Variants in PUM1 observed in about 807,000 individuals in gnomAD.
PUM1 encodes the protein pumilio homolog 1.
A neutral mutation model predicts 131.8 loss-of-function variants in PUM1; 13 were observed. The ratio of observed to expected loss-of-function variants is 0.10; its 90% CI spans 0.06 to 0.16. The LOEUF (loss-of-function observed/expected upper bound fraction) is 0.16. Ranked by LOEUF, PUM1 falls within the 10% of genes least tolerant of loss-of-function variation. The pLI, the probability that PUM1 is intolerant of heterozygous loss-of-function variation, is 1.00. For synonymous variants in PUM1, 509 were observed against 556.5 expected (o/e 0.91, Z 1.20); for missense variants, 961 against 1,512.4 (o/e 0.64, Z 6.05).
intron 3 of PUM1, among the ~76,000 whole-genome samples, chr1:31,010,585 C>G (rs1642576380): frequency 6.6e-6 from 1 of 152,136 alleles, no homozygotes. Context: ...TCCGCAGCTT[C>G]CCACTGAACT....
intron 19 of PUM1, 72 bp from the exon 20 acceptor site, chr1:30,941,344 T>C (rs561444145): frequency 1.6e-4 from 240 of 1,469,334 alleles, no homozygotes; most frequent in Non-Finnish European, 2.1e-4. Flanking sequence ...AGTCCTTATA[T>C]CTAATTAAAA....
At chr1:31,028,744 C>T (rs1570306102) in intron 3 of PUM1, 52 bp downstream of exon 3, 2 of 1,416,520 alleles carry the variant, frequency 1.4e-6, no homozygotes, top group Non-Finnish European at 1.0e-6. Flanking sequence ...AAAGACAACT[C>T]CAACCTTCCC....
chr1:31,001,272 G>A (rs1456608339), intron 5 of PUM1, among the ~76,000 whole-genome samples: 1 of 152,100 alleles, frequency 6.6e-6, no homozygotes, highest in Non-Finnish European at 1.5e-5. Context: ...GGGAGGCAGG[G>A]GCACAAGAAT....
chr1:30,969,063 G>A (rs1414811776), intron 10 of PUM1, among the ~76,000 whole-genome samples: 1 of 152,042 alleles, frequency 6.6e-6, no homozygotes, highest in Non-Finnish European at 1.5e-5. Flanking sequence ...TAGCACTTTG[G>A]GAGGCCGAGG....
chr1:30,957,004 G>A (rs1224744892), intron 14 of PUM1, among the ~76,000 whole-genome samples: 2 of 150,822 alleles, frequency 1.3e-5, no homozygotes, highest in Non-Finnish European at 2.9e-5. Flanking sequence ...CTACAAAAAC[G>A]GTTAATACAT....
intron 5 of PUM1, 44 bp downstream of exon 5, chr1:31,005,806 AGAG>A: frequency 7.4e-6 from 11 of 1,496,282 alleles, no homozygotes; most frequent in Non-Finnish European, 9.8e-6. Context: ...AGAGAGAGAG[AGAG>A]AGAGAGAGAG....
chr1:30,933,484 A>ACACACACACACACACACACC, intron 21 of PUM1, 142 bp from the exon 22 acceptor site: 2 of 712,436 alleles, frequency 2.8e-6, no homozygotes, highest in East Asian at 3.4e-5. Flanking sequence ...ACACACACAC[A>ACACACACACACACACACACC]CCCCTACAGC....
chr1:31,014,555 AG>A (rs1642742177), intron 3 of PUM1, among the ~76,000 whole-genome samples: 1 of 151,952 alleles, frequency 6.6e-6, no homozygotes, highest in South Asian at 2.1e-4. Context: ...TGGGAGGCTG[AG>A]GCGGGCGGAT....
At chr1:30,957,754 G>A (rs1203025510) in intron 14 of PUM1, among the ~76,000 whole-genome samples, 1 of 152,156 alleles carries the variant, frequency 6.6e-6, no homozygotes, top group East Asian at 1.9e-4. Flanking sequence ...TGCCTAATGG[G>A]CAAAGCCCTG....
chr1:30,984,634 G>T (rs1399270751), intron 7 of PUM1, among the ~76,000 whole-genome samples: 2 of 152,128 alleles, frequency 1.3e-5, no homozygotes, highest in Non-Finnish European at 1.5e-5. Context: ...AATACTGAAG[G>T]CATAGTTTAA....
At chr1:31,049,524 A>T (rs550686750) in intron 2 of PUM1, among the ~76,000 whole-genome samples, 140 of 151,990 alleles carry the variant, frequency 9.2e-4, no homozygotes, top group African/African-American at 3.1e-3. Context: ...TCAAAAAAAA[A>T]AAAAAATTAG....
Position 31,059,409 on chromosome 1 carries a change from T to C in PUM1, c.158A>G (p.Asn53Ser). Residue 53 changes from asparagine (N) to serine (S), a missense_variant, in exon 2 of 22, where the codon AAT becomes AGT. Around this residue, in one of 4 missense-constraint regions of PUM1, gnomAD observed 654 missense variants for 923.9 expected, o/e 0.71. Transcript: ENST00000426105. ...GSQAQPQPAANQALAAGTHSS... is the reference protein window; with the variant it reads ...GSQAQPQPAASQALAAGTHSS... ...GTGAGTCCCAGCTGCAAGAGCCTGA[T>C]TTGCAGCTGGTTGTGGCTGCGCTTG... 1 of 1,614,148 alleles carries C rather than the reference T, an allele frequency of 6.2e-7. No homozygotes were observed. The highest frequency in any genetic ancestry group is 8.5e-7 in the Non-Finnish European group (1 of 1,180,024).
chr1:30,999,606 CAAAAAAAAAAAAAAAAAAAAA>C (rs56936440), intron 5 of PUM1, among the ~76,000 whole-genome samples: 7 of 53,956 alleles, frequency 1.3e-4, no homozygotes, highest in Admixed American at 2.7e-4. Flanking sequence ...GACTCTGTCT[CAAAAAAAAAAAAAAAAAAAAA>C]AAAAAAAAAA....
chr1:31,062,456 C>T (rs1644389432), intron 1 of PUM1, among the ~76,000 whole-genome samples: 1 of 151,976 alleles, frequency 6.6e-6, no homozygotes, highest in South Asian at 2.1e-4. Context: ...CCCGTCTCTA[C>T]TAAAAATATA....
chr1:31,062,468 A>G (rs573850964), intron 1 of PUM1, among the ~76,000 whole-genome samples: 2 of 152,110 alleles, frequency 1.3e-5, no homozygotes, highest in East Asian at 1.9e-4. Context: ...AAAAATATAA[A>G]AAGTAGCCAG....
intron 2 of PUM1, among the ~76,000 whole-genome samples, chr1:31,054,069 G>C (rs1644176595): frequency 7.8e-6 from 1 of 128,944 alleles, no homozygotes; most frequent in African/African-American, 3.0e-5. Flanking sequence ...ACTCCAGCCT[G>C]GACTACAGAG....
chr1:30,965,660 G>C (rs1640589287), intron 13 of PUM1, among the ~76,000 whole-genome samples: 4 of 152,184 alleles, frequency 2.6e-5, no homozygotes, highest in Admixed American at 2.6e-4. Context: ...GCTATCTTTA[G>C]TAAGTCCTCC....
intron 5 of PUM1, among the ~76,000 whole-genome samples, chr1:30,997,495 CTTTTTTT>C (rs9286937): frequency 3.1e-5 from 4 of 129,832 alleles, no homozygotes; most frequent in Non-Finnish European, 1.7e-5. Flanking sequence ...TGAAACTCGT[CTTTTTTT>C]TTTTTTTTTT....
At chr1:30,997,460 T>C (rs1206369604) in intron 5 of PUM1, among the ~76,000 whole-genome samples, 1 of 150,446 alleles carries the variant, frequency 6.6e-6, no homozygotes, top group Non-Finnish European at 1.5e-5. Flanking sequence ...ATCACACCAT[T>C]GCACTCCAGC....
Sources: gnomAD v4.1 joint callset for allele counts (sites outside exome capture counted in the v4.1 genomes callset) on GRCh38, gnomAD v4.1.1 for gene constraint, gnomAD v4.1.1 regional missense constraint, MANE v1.5 for transcripts, NCBI Gene and HGNC (gene_info 2026-07-23, HGNC 2026-07-21) for gene names.